The following CDH18 variants were observed in gnomAD, a reference collection of about 807,000 sequenced individuals.
The protein encoded by CDH18 is cadherin 18, also known as cadherin-18.
Under a neutral mutation model 67.9 loss-of-function variants are expected in CDH18, and 31 were observed. The observed-to-expected ratio is 0.46, with a 90% CI of 0.34 to 0.62. The LOEUF is 0.62. Ranked by LOEUF, CDH18 falls within the 20% of genes least tolerant of loss-of-function variation. The pLI is 0.01. For missense variants in CDH18, 890 were observed against 975.5 expected, an observed-to-expected ratio of 0.91 and a Z score of 1.17; for synonymous variants, 362 against 347.2, an observed-to-expected ratio of 1.04 and a Z score of -0.48.
At chr5:20,305,502 C>A (rs561930342) in intron 1 of CDH18, 2 of 1,110,628 alleles carry the variant, frequency 1.8e-6, no homozygotes, top group East Asian at 2.4e-5. Context: ...TTGGGTGCCG[C>A]GAAACCCGGG....
At chr5:20,030,507 T>C (rs1326203251) in intron 2 of CDH18, among the ~76,000 whole-genome samples, 4 of 152,164 alleles carry the variant, frequency 2.6e-5, no homozygotes, top group Non-Finnish European at 5.9e-5. Context: ...ACTAGAGTTT[T>C]CTGTATATAT....
At chr5:19,965,608 T>A (rs1797349621) in intron 2 of CDH18, among the ~76,000 whole-genome samples, 1 of 152,194 alleles carries the variant, frequency 6.6e-6, no homozygotes, top group South Asian at 2.1e-4. Context: ...AGGAGTGATT[T>A]ATTAGATTTC....
chr5:20,304,868 C>G (rs1736281757), intron 1 of CDH18: 4 of 1,611,800 alleles, frequency 2.5e-6, no homozygotes, highest in South Asian at 2.2e-5. Context: ...TCAATGTTTG[C>G]TAAATATTTC....
intron 2 of CDH18, among the ~76,000 whole-genome samples, chr5:19,940,548 A>G (rs868279174): frequency 6.6e-6 from 1 of 152,082 alleles, no homozygotes; most frequent in African/African-American, 2.4e-5. Context: ...TCCTGCATAA[A>G]TCATCATTTG....
At chr5:20,575,657 G>C (rs987766696) in exon 1 of CDH18, 1 of 152,088 alleles carries the variant, frequency 6.6e-6, no homozygotes, top group Admixed American at 6.6e-5. Context: ...TCAGTAAGTT[G>C]TTCACTGAGG....
At chr5:19,541,379 A>G (rs1750250513) in intron 9 of CDH18, among the ~76,000 whole-genome samples, 1 of 152,034 alleles carries the variant, frequency 6.6e-6, no homozygotes, top group South Asian at 2.1e-4. Flanking sequence ...GAGCCCTCCA[A>G]ACTGTTTCAA....
chr5:19,861,826 G>T (rs1784942197), intron 2 of CDH18, among the ~76,000 whole-genome samples: 1 of 152,124 alleles, frequency 6.6e-6, no homozygotes, highest in South Asian at 2.1e-4. Flanking sequence ...TATAGTGGGT[G>T]GGAGGAAACA....
intron 1 of CDH18, chr5:20,304,632 G>T (rs566586781): frequency 6.2e-6 from 10 of 1,611,906 alleles, no homozygotes; most frequent in Admixed American, 5.0e-5. Context: ...CTTTCTTGCC[G>T]AAATTAAATG....
At chr5:19,612,632 G>C in intron 5 of CDH18, 31 bp from the exon 6 acceptor site, 1 of 1,498,184 alleles carries the variant, frequency 6.7e-7, no homozygotes, top group South Asian at 1.1e-5. Flanking sequence ...TAAACAGTAT[G>C]AGCTATATAA....
chr5:19,589,913 T>C (rs1744814152), intron 7 of CDH18, among the ~76,000 whole-genome samples: 1 of 152,144 alleles, frequency 6.6e-6, no homozygotes, highest in South Asian at 2.1e-4. Context: ...TCTCTTTAAC[T>C]ATTGCTGAAT....
chr5:19,863,923 G>A (rs2149991745), intron 2 of CDH18, among the ~76,000 whole-genome samples: 1 of 152,158 alleles, frequency 6.6e-6, no homozygotes, highest in African/African-American at 2.4e-5. Context: ...CTTTTACACT[G>A]TTGGTGGGAC....
chr5:19,545,648 G>C (rs953693169), intron 8 of CDH18, among the ~76,000 whole-genome samples: 1 of 152,146 alleles, frequency 6.6e-6, no homozygotes, highest in Non-Finnish European at 1.5e-5. Context: ...AATCACAGGT[G>C]ACTCCATTTC....
intron 1 of CDH18, among the ~76,000 whole-genome samples, chr5:20,400,840 T>C (rs1368779388): frequency 6.6e-6 from 1 of 152,120 alleles, no homozygotes; most frequent in Non-Finnish European, 1.5e-5. Context: ...ATAAACCTAA[T>C]AAATAAAAAC....
intron 11 of CDH18, among the ~76,000 whole-genome samples, chr5:19,485,552 G>A (rs1740259516): frequency 6.6e-6 from 1 of 152,106 alleles, no homozygotes; most frequent in Non-Finnish European, 1.5e-5. Context: ...ACTGCGCCTG[G>A]CCAGCTGTCT....
In CDH18 at chr5:20,197,768, C is replaced by T. The variant is rs139342893; in HGVS notation, c.-518+57676G>A. On this transcript the variant is annotated intron_variant, in intron 2 of 14. Coordinates refer to the CDH18 transcript ENST00000507958. The stretch of plus-strand genomic sequence containing the variant: ...AGTATAAACGGGATAATAACATGTA[C>T]CATTAGAAAAACAGCATTTGACTTC... Among the ~76,000 whole-genome samples the T allele has an allele frequency of 5.8e-4, 89 of 152,206 alleles. No individual in the cohort carries two copies. In the South Asian group the frequency reaches 0.016, roughly 28 times the overall value.
At chr5:20,010,697 C>T (rs1561710914) in intron 2 of CDH18, among the ~76,000 whole-genome samples, 1 of 152,148 alleles carries the variant, frequency 6.6e-6, no homozygotes, top group African/African-American at 2.4e-5. Context: ...TTTACTCCCA[C>T]CTTTCTGGTT....
At chr5:20,572,290 T>A (rs568728931) in intron 1 of CDH18, among the ~76,000 whole-genome samples, 2 of 152,086 alleles carry the variant, frequency 1.3e-5, no homozygotes, top group Non-Finnish European at 2.9e-5. Context: ...GCAAACTGCA[T>A]GGAAGCCACA....
At chr5:19,754,857 G>A (rs1471595030) in intron 3 of CDH18, among the ~76,000 whole-genome samples, 2 of 152,070 alleles carry the variant, frequency 1.3e-5, no homozygotes, top group Admixed American at 1.3e-4. Flanking sequence ...ACTTCAAAAG[G>A]AACCTTTGAA....
chr5:20,467,390 T>C (rs914175187), intron 1 of CDH18, among the ~76,000 whole-genome samples: 1 of 152,086 alleles, frequency 6.6e-6, no homozygotes, highest in Non-Finnish European at 1.5e-5. Flanking sequence ...TTTTAGAAGG[T>C]TCAATAAGCT....
Sources: gnomAD v4.1 joint callset for allele counts (sites outside exome capture counted in the v4.1 genomes callset) on GRCh38, gnomAD v4.1.1 for gene constraint, MANE v1.5 for transcripts, NCBI Gene and HGNC (gene_info 2026-07-23, HGNC 2026-07-21) for gene names.